The following UQCC1 variants were observed in gnomAD, a reference collection of about 807,000 sequenced individuals.
UQCC1 encodes bFGF-repressed Zic-binding protein.
In UQCC1, 38 loss-of-function variants were observed where a neutral mutation model predicts 48.0. That is an observed-to-expected ratio of 0.79 (90% CI 0.61 to 1.04). The LOEUF (loss-of-function observed/expected upper bound fraction) is 1.04, where lower values mean the gene tolerates loss of function less well. Ranked by LOEUF, UQCC1 falls within the 50% of genes least tolerant of loss-of-function variation. The pLI, the probability that UQCC1 is intolerant of heterozygous loss-of-function variation, is 0.00. For synonymous variants in UQCC1, 111 were observed against 129.2 expected, an observed-to-expected ratio of 0.86 and a Z score of 0.95; for missense variants, 368 against 381.8, an observed-to-expected ratio of 0.96 and a Z score of 0.30.
At chr20:35,335,441 G>A (rs955949544) in intron 7 of UQCC1, among the ~76,000 whole-genome samples, 5 of 152,064 alleles carry the variant, frequency 3.3e-5, no homozygotes, top group Admixed American at 1.3e-4. Flanking sequence ...GATGTCGGTC[G>A]GGGGAGTTGA....
chr20:35,408,855 CAA>C (rs752826676), intron 1 of UQCC1, among the ~76,000 whole-genome samples: 21 of 134,994 alleles, frequency 1.6e-4, no homozygotes, highest in East Asian at 2.1e-4. Flanking sequence ...ACCCTATCTC[CAA>C]AAAAAAAAAA....
In UQCC1 at chr20:35,338,856, GAAAAAAAAAAAAAAAAAA is replaced by G. The variant is rs1172467457; in HGVS notation, c.573+8290_573+8307del. Among the ~76,000 whole-genome samples the G allele has an allele frequency of 9.3e-3, 249 of 26,848 alleles. 6 individuals are homozygous for G. Among genetic ancestry groups the G allele is most frequent in the South Asian group, 0.015 (8 of 530 alleles). The allele number at this position is 26,848 out of a possible 152,430, so 17.6% of individuals were successfully genotyped here. ...GAGAAAGCAAGACTCCGTCTCAAAA[GAAAAAAAAAAAAAAAAAA>G]AAAAAAAAAAAAAAAAAAATATATA... On this transcript the variant is annotated intron_variant, in intron 7 of 9. Coordinates refer to ENST00000374385, the MANE Select transcript of UQCC1 (RefSeq NM_018244.5).
At chr20:35,352,059 A>G (rs2146401285) in intron 6 of UQCC1, among the ~76,000 whole-genome samples, 1 of 152,368 alleles carries the variant, frequency 6.6e-6, no homozygotes, top group Middle Eastern at 3.4e-3. Flanking sequence ...CTCCCAAGAG[A>G]AGAGTGCAAT....
At chr20:35,358,241 C>A (rs1323952773) in intron 6 of UQCC1, among the ~76,000 whole-genome samples, 1 of 150,594 alleles carries the variant, frequency 6.6e-6, no homozygotes, top group Non-Finnish European at 1.5e-5. Context: ...GTGGTCCCAG[C>A]TACTCCGGAG....
intron 6 of UQCC1, among the ~76,000 whole-genome samples, chr20:35,364,335 A>G (rs1387065214): frequency 6.6e-6 from 1 of 152,244 alleles, no homozygotes; most frequent in Non-Finnish European, 1.5e-5. Flanking sequence ...TGTCTTGGGC[A>G]CAGCATTTCT....
At chr20:35,326,702 T>G (rs1339774396) in intron 7 of UQCC1, among the ~76,000 whole-genome samples, 1 of 152,204 alleles carries the variant, frequency 6.6e-6, no homozygotes, top group Non-Finnish European at 1.5e-5. Context: ...CAGAGACACT[T>G]GGAGGCTGCT....
intron 6 of UQCC1, among the ~76,000 whole-genome samples, chr20:35,363,824 A>G (rs1424009051): frequency 6.6e-6 from 1 of 152,110 alleles, no homozygotes; most frequent in Non-Finnish European, 1.5e-5. Flanking sequence ...AAGTCCACTG[A>G]GTCCTGTAAT....
intron 7 of UQCC1, among the ~76,000 whole-genome samples, chr20:35,327,357 A>G (rs2061206797): frequency 1.3e-5 from 2 of 152,196 alleles, no homozygotes; most frequent in South Asian, 4.1e-4. Flanking sequence ...GAGCTGTACA[A>G]TTGCCAAAAT....
intron 6 of UQCC1, among the ~76,000 whole-genome samples, chr20:35,357,247 G>A (rs1188279232): frequency 2.6e-5 from 4 of 152,158 alleles, no homozygotes; most frequent in Non-Finnish European, 4.4e-5. Flanking sequence ...TAGGCCGGGC[G>A]CAGTGGCTCA....
At chr20:35,315,495 C>T (rs1044898326) in intron 7 of UQCC1, 3 of 151,980 alleles carry the variant, frequency 2.0e-5, no homozygotes, top group African/African-American at 7.3e-5. Flanking sequence ...AGAGGCAGGA[C>T]TCTGAGAGAC....
intron 6 of UQCC1, among the ~76,000 whole-genome samples, chr20:35,360,140 T>C (rs1250546010): frequency 1.3e-5 from 2 of 152,224 alleles, no homozygotes; most frequent in Admixed American, 1.3e-4. Flanking sequence ...TGCTGCTGCA[T>C]AGGCCTTTGG....
intron 6 of UQCC1, among the ~76,000 whole-genome samples, chr20:35,360,562 A>T (rs2146424225): frequency 6.6e-6 from 1 of 152,274 alleles, no homozygotes; most frequent in Middle Eastern, 3.4e-3. Context: ...TCATCCCCTC[A>T]TTTGAAACTT....
At chr20:35,401,300 C>CA (rs1184687616) in intron 1 of UQCC1, among the ~76,000 whole-genome samples, 1 of 152,170 alleles carries the variant, frequency 6.6e-6, no homozygotes, top group African/African-American at 2.4e-5. Flanking sequence ...CACATTGTGG[C>CA]CTTCTCGCAC....
rs549892169 is a variant in UQCC1, at chr20:35,333,835, T to C, written c.573+13329A>G. Among the ~76,000 whole-genome samples, 23 of 152,356 alleles carry C rather than the reference T, an allele frequency of 1.5e-4. No homozygotes were observed. In the South Asian group the frequency reaches 4.6e-3, roughly 30 times the overall value. On this transcript the variant is annotated intron_variant, in intron 7 of 9. Transcript: ENST00000374385. ...ACGTTCTCTGATGTTAACAAGAGTT[T>C]CTTTATTACTGTAACCTTTCAGAAG... is the stretch of plus-strand genomic sequence containing the variant.
At chr20:35,382,516 T>C (rs1296297946) in intron 3 of UQCC1, among the ~76,000 whole-genome samples, 3 of 140,872 alleles carry the variant, frequency 2.1e-5, no homozygotes, top group East Asian at 2.0e-4. Context: ...TTTTTTCTTT[T>C]TTTTTTTTTT....
At chr20:35,387,779 A>G (rs2061962924) in intron 2 of UQCC1, among the ~76,000 whole-genome samples, 1 of 149,004 alleles carries the variant, frequency 6.7e-6, no homozygotes, top group Non-Finnish European at 1.5e-5. Flanking sequence ...GCAATTTGGT[A>G]AAGGTAATTT....
intron 7 of UQCC1, among the ~76,000 whole-genome samples, chr20:35,339,615 A>C (rs2146367583): frequency 6.6e-6 from 1 of 152,316 alleles, no homozygotes; most frequent in South Asian, 2.1e-4. Flanking sequence ...GTTGCAGATT[A>C]AACTAGAAGA....
chr20:35,356,787 C>T (rs2061551575), intron 6 of UQCC1, among the ~76,000 whole-genome samples: 2 of 152,116 alleles, frequency 1.3e-5, no homozygotes, highest in Admixed American at 1.3e-4. Context: ...CCCTATTTTT[C>T]ATTCAGTCCT....
chr20:35,341,933 GAAC>G (rs1334432658), intron 7 of UQCC1, among the ~76,000 whole-genome samples: 3 of 152,174 alleles, frequency 2.0e-5, no homozygotes, highest in African/African-American at 7.2e-5. Flanking sequence ...GGTTCAAGAA[GAAC>G]TAGAGGAAAT....
Sources: allele counts gnomAD v4.1 joint callset (sites outside exome capture counted in the v4.1 genomes callset), GRCh38; gene constraint gnomAD v4.1.1; transcripts MANE v1.5; gene names NCBI Gene and HGNC (gene_info 2026-07-23, HGNC 2026-07-21).